VPS53: variants seen among roughly 807,000 people sequenced by gnomAD.
The protein encoded by VPS53 is VPS53 subunit of GARP complex, also known as vacuolar protein sorting-associated protein 53 homolog.
Under a neutral mutation model 107.0 loss-of-function variants are expected in VPS53, and 70 were observed. The observed-to-expected ratio is 0.65, with a 90% CI of 0.54 to 0.80. VPS53 has a LOEUF of 0.80. Among genes scored for constraint, VPS53 ranks in the 30% least tolerant of loss-of-function variants. The probability of loss-of-function intolerance (pLI) is 0.00; values close to 1 mark genes in which losing one functional copy is unlikely to be tolerated. For synonymous variants in VPS53, 409 were observed against 393.3 expected, an observed-to-expected ratio of 1.04 and a Z score of -0.47; for missense variants, 917 against 1,049.4, an observed-to-expected ratio of 0.87 and a Z score of 1.74.
chr17:614,071 C>A (rs9892537), intron 11 of VPS53, among the ~76,000 whole-genome samples: 1,701 of 152,278 alleles, frequency 0.011, 44 homozygotes, highest in African/African-American at 0.039. Flanking sequence ...CAACAGGCAT[C>A]CGTAAAGACA....
chr17:577,974 AAC>A (rs1383071342), intron 13 of VPS53, among the ~76,000 whole-genome samples: 2 of 151,272 alleles, frequency 1.3e-5, no homozygotes, highest in African/African-American at 4.9e-5. Context: ...TTCAGAATCT[AAC>A]ACACTCACAG....
At chr17:582,027 T>C (rs1442606924) in intron 13 of VPS53, among the ~76,000 whole-genome samples, 77 of 115,632 alleles carry the variant, frequency 6.7e-4, no homozygotes, top group East Asian at 1.4e-3. Context: ...TCCCTCAGAA[T>C]CTAATGCATT....
chr17:568,833 G>A (rs1410165376), intron 13 of VPS53, among the ~76,000 whole-genome samples: 1 of 152,188 alleles, frequency 6.6e-6, no homozygotes, highest in South Asian at 2.1e-4. Context: ...GAAGGCATCA[G>A]CATCAAATGC....
At chr17:560,616 T>A in intron 14 of VPS53, 43 bp from the exon 15 acceptor site, 1 of 1,593,402 alleles carries the variant, frequency 6.3e-7, no homozygotes. Context: ...GAATTTCTAA[T>A]TTGCTTCCTG....
intron 11 of VPS53, among the ~76,000 whole-genome samples, chr17:620,856 C>T (rs1376527706): frequency 6.6e-6 from 1 of 152,072 alleles, no homozygotes; most frequent in Non-Finnish European, 1.5e-5. Context: ...GATCATCCCA[C>T]CTCAGCCTCT....
intron 15 of VPS53, 130 bp from the exon 16 acceptor site, chr17:553,592 T>C: frequency 1.4e-6 from 1 of 700,460 alleles, no homozygotes; most frequent in Non-Finnish European, 2.3e-6. Context: ...TTTTTTTTTT[T>C]TGAGACTCGC....
At chr17:647,470 A>G (rs1010601689) in intron 7 of VPS53, among the ~76,000 whole-genome samples, 3 of 152,254 alleles carry the variant, frequency 2.0e-5, no homozygotes, top group South Asian at 4.1e-4. Context: ...GAACAAATGA[A>G]TATGAAAGAG....
intron 8 of VPS53, among the ~76,000 whole-genome samples, chr17:629,707 G>A (rs1369632930): frequency 6.6e-6 from 1 of 151,444 alleles, no homozygotes; most frequent in Non-Finnish European, 1.5e-5. Context: ...AGCTTGCAGT[G>A]AGCCGAGATC....
chr17:653,193 G>T (rs1342760252), intron 7 of VPS53, 98 bp downstream of exon 7: 1 of 1,558,352 alleles, frequency 6.4e-7, no homozygotes, highest in African/African-American at 1.4e-5. Flanking sequence ...CCGGATCTGC[G>T]GAATCCCCAT....
intron 7 of VPS53, among the ~76,000 whole-genome samples, chr17:632,120 G>A (rs756602667): frequency 3.9e-5 from 6 of 152,178 alleles, no homozygotes; most frequent in Non-Finnish European, 7.4e-5. Flanking sequence ...ACCCAGGTGC[G>A]GGGGCACACA....
At chr17:650,581 T>C (rs768081318) in intron 7 of VPS53, among the ~76,000 whole-genome samples, 2 of 152,106 alleles carry the variant, frequency 1.3e-5, no homozygotes, top group Non-Finnish European at 2.9e-5. Flanking sequence ...AACCATAAGA[T>C]AGATAAAAAT....
chr17:712,219 C>T (rs1384510278), intron 1 of VPS53, among the ~76,000 whole-genome samples: 3 of 136,632 alleles, frequency 2.2e-5, no homozygotes, highest in African/African-American at 2.8e-5. Context: ...CTCACTCTGT[C>T]GCTCAGGCTG....
chr17:669,981 C>A (rs1325978507), intron 4 of VPS53, among the ~76,000 whole-genome samples: 1 of 152,066 alleles, frequency 6.6e-6, no homozygotes, highest in African/African-American at 2.4e-5. Flanking sequence ...AAAAACAGAA[C>A]TAATCACTCC....
intron 19 of VPS53, 94 bp from the exon 20 acceptor site, chr17:521,832 C>T (rs1417332146): frequency 5.4e-6 from 7 of 1,291,098 alleles, no homozygotes; most frequent in Middle Eastern, 2.4e-4. Flanking sequence ...TCGTTATACA[C>T]GTAACACATT....
chr17:643,205 C>A (rs369791752), intron 7 of VPS53, among the ~76,000 whole-genome samples: 209 of 14,118 alleles, frequency 0.015, 6 homozygotes, highest in African/African-American at 0.04. Context: ...TCATACTTGG[C>A]AACTGAGGAC....
At position 686,925 on chromosome 17, in the gene VPS53, T is replaced by C. The variant is rs145157604; in HGVS notation, c.285+10493A>G. 2.8e-3 allele frequency among the ~76,000 whole-genome samples: 420 copies of C among 151,796 alleles called. 3 individuals are homozygous for C. The highest frequency in any genetic ancestry group is 9.3e-3 in the African/African-American group (386 of 41,368). On this transcript the variant is annotated intron_variant, in intron 4 of 21. Coordinates refer to ENST00000437048, the MANE Select transcript of VPS53 (RefSeq NM_001128159.3). ...ACTTTAGGAGGCTGAGGCAGAAGGA[T>C]TGCTTGAGGCCAGGAGTTTGAGACT...
chr17:584,212 G>T (rs1451823869), intron 13 of VPS53, among the ~76,000 whole-genome samples: 2 of 152,162 alleles, frequency 1.3e-5, no homozygotes, highest in African/African-American at 4.8e-5. Flanking sequence ...GCTTCCTCTG[G>T]GAGCCCAGGC....
chr17:651,433 G>T (rs1407209569), intron 7 of VPS53, among the ~76,000 whole-genome samples: 1 of 151,994 alleles, frequency 6.6e-6, no homozygotes, highest in Non-Finnish European at 1.5e-5. Context: ...CTACAAAAAA[G>T]TAACAAAGTT....
chr17:662,412 G>A (rs952141912), intron 4 of VPS53, among the ~76,000 whole-genome samples: 11 of 152,160 alleles, frequency 7.2e-5, no homozygotes, highest in African/African-American at 2.2e-4. Context: ...ACACTGGGCC[G>A]GACACAGTGG....
Sources: allele counts gnomAD v4.1 joint callset (sites outside exome capture counted in the v4.1 genomes callset), GRCh38; gene constraint gnomAD v4.1.1; transcripts MANE v1.5; gene names NCBI Gene and HGNC (gene_info 2026-07-23, HGNC 2026-07-21).